The following WFDC1 variants were observed in gnomAD, a reference collection of about 807,000 sequenced individuals.
The protein encoded by WFDC1 is WAP four-disulfide core domain protein 1.
In WFDC1, 39 loss-of-function variants were observed where a neutral mutation model predicts 32.9. That is an observed-to-expected ratio of 1.19 (90% CI 0.92 to 1.55). The LOEUF (loss-of-function observed/expected upper bound fraction) is 1.55. Ranked by LOEUF, WFDC1 falls within the 40% of genes most tolerant of loss-of-function variation. WFDC1 has a pLI of 0.00. For missense variants in WFDC1, 386 were observed against 309.5 expected (o/e 1.25, Z -1.85); for synonymous variants, 184 against 137.4 (o/e 1.34, Z -2.37).
At chr16:84,301,292 A>G (rs901511924) in intron 1 of WFDC1, among the ~76,000 whole-genome samples, 1 of 152,210 alleles carries the variant, frequency 6.6e-6, no homozygotes, top group African/African-American at 2.4e-5. Context: ...ACCCTCGGAC[A>G]CGAATACAGT....
intron 1 of WFDC1, among the ~76,000 whole-genome samples, chr16:84,299,341 G>T (rs760353213): frequency 6.6e-5 from 10 of 151,524 alleles, no homozygotes; most frequent in Non-Finnish European, 1.0e-4. Context: ...TTCCAGCCTG[G>T]GCAAGAAGAG....
At chr16:84,308,182 C>T (rs1191625574) in intron 1 of WFDC1, among the ~76,000 whole-genome samples, 4 of 152,174 alleles carry the variant, frequency 2.6e-5, no homozygotes, top group Non-Finnish European at 5.9e-5. Context: ...TTGGCCATTC[C>T]TGCTCTCTGC....
chr16:84,295,058 C>G lies in WFDC1; in HGVS notation c.87C>G (p.Gly29=). The change falls in exon 1 of 7, where the codon GGC becomes GGG. Residue 29 remains glycine (G), a synonymous_variant. Coordinates refer to ENST00000219454, the MANE Select transcript of WFDC1 (RefSeq NM_021197.4). ...LCLLLLLLHA[G]SAKNIWKRAL... ...TCTTGCTACTTCTCCTCCACGCCGG[C>G]TCTGCCAAGAATATCTGGAAACGGG... The G allele has an allele frequency of 1.9e-6, 3 of 1,614,236 alleles. No homozygotes were observed. The highest frequency in any genetic ancestry group is 1.7e-6 in the Non-Finnish European group (2 of 1,180,040).
intron 5 of WFDC1, 48 bp downstream of exon 5, chr16:84,324,508 C>T: frequency 6.3e-7 from 1 of 1,593,814 alleles, no homozygotes; most frequent in East Asian, 2.2e-5. Flanking sequence ...AAAAAAAAGG[C>T]AGTGAAAGTT....
chr16:84,306,203 T>A (rs1907246888), intron 1 of WFDC1, among the ~76,000 whole-genome samples: 1 of 152,134 alleles, frequency 6.6e-6, no homozygotes, highest in Admixed American at 6.5e-5. Flanking sequence ...GTTAGTGATT[T>A]TCCTGTATGA....
intron 4 of WFDC1, 139 bp downstream of exon 4, chr16:84,319,710 C>G (rs967444185): frequency 1.7e-6 from 2 of 1,155,146 alleles, no homozygotes; most frequent in East Asian, 5.2e-5. Context: ...CTCACATCTT[C>G]CCCCTGCCCG....
At chr16:84,317,283 A>G (rs1012341712) in intron 2 of WFDC1, 4 of 148,886 alleles carry the variant, frequency 2.7e-5, no homozygotes, top group African/African-American at 9.9e-5. Flanking sequence ...ACAGAACAAG[A>G]CTCTGTCTCA....
chr16:84,304,253 T>C (rs1358656896), intron 1 of WFDC1, among the ~76,000 whole-genome samples: 1 of 152,218 alleles, frequency 6.6e-6, no homozygotes, highest in African/African-American at 2.4e-5. Context: ...AAAGGTCATA[T>C]AGTTTCACTC....
chr16:84,300,599 A>G (rs1166952361), intron 1 of WFDC1, among the ~76,000 whole-genome samples: 1 of 152,228 alleles, frequency 6.6e-6, no homozygotes, highest in African/African-American at 2.4e-5. Context: ...GGTTCATTAC[A>G]GGTGTAATTA....
intron 3 of WFDC1, 46 bp downstream of exon 3, chr16:84,318,401 C>A: frequency 6.3e-7 from 1 of 1,589,126 alleles, no homozygotes; most frequent in South Asian, 1.1e-5. Flanking sequence ...GCCTCGATCC[C>A]TCCTTCTCAG....
intron 2 of WFDC1, among the ~76,000 whole-genome samples, chr16:84,315,121 G>C (rs979253563): frequency 6.6e-6 from 1 of 152,164 alleles, no homozygotes; most frequent in Non-Finnish European, 1.5e-5. Context: ...GGAATGTGGA[G>C]CCCCTGCCCT....
intron 4 of WFDC1, among the ~76,000 whole-genome samples, chr16:84,323,874 A>T (rs950812863): frequency 1.3e-5 from 2 of 152,242 alleles, no homozygotes; most frequent in South Asian, 4.1e-4. Context: ...TAATCCCAGC[A>T]CTTTGGCAGG....
intron 1 of WFDC1, among the ~76,000 whole-genome samples, chr16:84,297,891 C>A (rs543971862): frequency 5.9e-5 from 9 of 152,084 alleles, no homozygotes; most frequent in Non-Finnish European, 7.4e-5. Context: ...TAGGAAGCAG[C>A]CCCCACATGC....
At chr16:84,328,710 C>G (rs191088099) in intron 6 of WFDC1, 65 of 152,130 alleles carry the variant, frequency 4.3e-4, no homozygotes, top group African/African-American at 1.5e-3. Context: ...TTTGGGAGAC[C>G]GAAGCAGGCA....
Position 84,294,888 on chromosome 16 carries a change from C to T in WFDC1, c.-84C>T, listed in dbSNP as rs400345. ...CTAAGAAAGTCCAGCAGACTGTGCA[C>T]GCTCCTGTCCCCACTCACAGGCCCA... On this transcript the variant is annotated 5_prime_UTR_variant, in exon 1 of 7. In the 5' UTR this introduces an upstream ATG that the reference lacks. Transcript: ENST00000219454. 0.21 allele frequency: 323,939 copies of T among 1,532,910 alleles called. 38,612 individuals carry two copies. Among genetic ancestry groups the T allele is most frequent in the East Asian group, 0.46 (20,055 of 44,010 alleles). 95.0% of individuals were successfully genotyped at this position (1,532,910 alleles called of 1,614,324 possible). A position where few individuals can be genotyped will look rare whatever the true frequency, so the allele number is the denominator to read the frequency against.
At chr16:84,304,339 C>G (rs1430705219) in intron 1 of WFDC1, among the ~76,000 whole-genome samples, 11 of 152,328 alleles carry the variant, frequency 7.2e-5, no homozygotes, top group Non-Finnish European at 1.6e-4. Context: ...AATGATTCTC[C>G]TGCCTCAGCC....
At chr16:84,302,467 G>C (rs1034174135) in intron 1 of WFDC1, among the ~76,000 whole-genome samples, 5 of 152,116 alleles carry the variant, frequency 3.3e-5, no homozygotes, top group African/African-American at 1.2e-4. Flanking sequence ...TGAGTCCTCT[G>C]TGTCCCCAGC....
chr16:84,304,534 C>A lies in WFDC1; in HGVS notation c.145-8427C>A, dbSNP rs548471121. On this transcript the variant is annotated intron_variant, in intron 1 of 6. Transcript: ENST00000219454. ...TGAGCCACCGCGCCCGGCCAGGAAT[C>A]ATTTTTATCCAGGTAAGGCATACAG... Among the ~76,000 whole-genome samples the A allele has an allele frequency of 5.3e-5, 8 of 152,196 alleles. No individual in the cohort carries two copies. The South Asian group carries it at 1.7e-3, about 32-fold the overall frequency.
intron 2 of WFDC1, chr16:84,317,494 C>T (rs1908031571): frequency 6.6e-6 from 1 of 152,078 alleles, no homozygotes; most frequent in South Asian, 2.1e-4. Flanking sequence ...GGTCTGTTTT[C>T]CTGTCCCCTA....
Sources: allele counts gnomAD v4.1 joint callset (sites outside exome capture counted in the v4.1 genomes callset), GRCh38; gene constraint gnomAD v4.1.1; transcripts MANE v1.5; gene names NCBI Gene and HGNC (gene_info 2026-07-23, HGNC 2026-07-21).